TAF4: variants seen among roughly 807,000 people sequenced by gnomAD.
TAF4 encodes TATA-box binding protein associated factor 4, also known as transcription initiation factor TFIID subunit 4.
In TAF4, 9 loss-of-function variants were observed where a neutral mutation model predicts 90.3. That is an observed-to-expected ratio of 0.10 (90% CI 0.06 to 0.17). The LOEUF is 0.17. Ranked by LOEUF, TAF4 falls within the 10% of genes least tolerant of loss-of-function variation. TAF4 has a pLI of 1.00. For synonymous variants in TAF4, 818 were observed against 638.9 expected (o/e 1.28, Z -4.23); for missense variants, 1,351 against 1,370.7 (o/e 0.99, Z 0.23).
chr20:62,034,852 G>A lies in TAF4; in HGVS notation c.1361-20145C>T, dbSNP rs901541081. 8.5e-5 allele frequency among the ~76,000 whole-genome samples: 10 copies of A among 117,350 alleles called. No homozygotes were observed. The South Asian group carries it at 9.0e-4, about 11-fold the overall frequency. The allele number at this position is 117,350 out of a possible 152,430, so 77.0% of individuals were successfully genotyped here. Reference sequence around the variant, plus strand: ...CTTTTTTTTTTTGAGATGGAGTCTCGCTCTGTCACCCAGGCTGGAGTACAG... The same window carrying A: ...CTTTTTTTTTTTGAGATGGAGTCTCACTCTGTCACCCAGGCTGGAGTACAG... On this transcript the variant is annotated intron_variant, in intron 1 of 14. Transcript: ENST00000252996.
intron 14 of TAF4, among the ~76,000 whole-genome samples, chr20:61,991,445 AAGAG>A (rs1262359216): frequency 8.6e-5 from 13 of 151,156 alleles, no homozygotes; most frequent in East Asian, 5.8e-4. Context: ...ATTAAAAAAA[AAGAG>A]AGAGAGAAAT....
intron 1 of TAF4, among the ~76,000 whole-genome samples, chr20:62,027,666 T>C (rs1026651131): frequency 2.0e-5 from 3 of 152,150 alleles, no homozygotes; most frequent in African/African-American, 7.2e-5. Flanking sequence ...CAGGATAAAA[T>C]AACCTTGGCA....
At chr20:61,989,830 C>T (rs1255333237) in intron 14 of TAF4, among the ~76,000 whole-genome samples, 1 of 152,188 alleles carries the variant, frequency 6.6e-6, no homozygotes, top group Admixed American at 6.5e-5. Flanking sequence ...CGAGGAGGGG[C>T]GAAGCTCTGC....
chr20:62,057,142 G>A (rs1306230658), intron 1 of TAF4, among the ~76,000 whole-genome samples: 1 of 152,118 alleles, frequency 6.6e-6, no homozygotes, highest in Non-Finnish European at 1.5e-5. Flanking sequence ...TGTGTCCCCC[G>A]ACCCCATGGA....
At chr20:62,062,529 C>T (rs192010208) in intron 1 of TAF4, among the ~76,000 whole-genome samples, 53 of 152,264 alleles carry the variant, frequency 3.5e-4, no homozygotes, top group African/African-American at 1.2e-3. Context: ...TAGCATTCGG[C>T]TCCTTGAAAG....
In TAF4 at chr20:62,007,530, G is replaced by A. The variant is rs373577964; in HGVS notation, c.1974+17C>T. The A allele has an allele frequency of 1.5e-4, 244 of 1,610,786 alleles. No individual in the cohort carries two copies. Among genetic ancestry groups the A allele is most frequent in the Non-Finnish European group, 1.8e-4 (207 of 1,177,412 alleles). ...CCTGGCCCTACTGCTCGCAGGCACCGGGGCCTTTGAAATTACCTTCAGGAA... is the reference window on the plus strand; with the variant it reads ...CCTGGCCCTACTGCTCGCAGGCACCAGGGCCTTTGAAATTACCTTCAGGAA... On this transcript the variant is annotated intron_variant, in intron 6 of 14. Transcript: ENST00000252996.
chr20:61,977,714 T>G (rs1431163095), intron 14 of TAF4, among the ~76,000 whole-genome samples: 7 of 152,164 alleles, frequency 4.6e-5, no homozygotes, highest in Admixed American at 1.3e-4. Flanking sequence ...TACTGAAGCC[T>G]CCGCACTCCA....
chr20:62,053,733 T>G (rs2056044389), intron 1 of TAF4, among the ~76,000 whole-genome samples: 1 of 152,224 alleles, frequency 6.6e-6, no homozygotes, highest in South Asian at 2.1e-4. Context: ...GCCTGCTGGC[T>G]GTCCACCCGT....
chr20:61,995,664 C>T (rs1201816648), intron 14 of TAF4, among the ~76,000 whole-genome samples: 1 of 70,768 alleles, frequency 1.4e-5, no homozygotes, highest in Non-Finnish European at 2.8e-5. Flanking sequence ...GAGATCGAGA[C>T]CATCCTGGCT....
At chr20:62,034,797 T>C (rs950129773) in intron 1 of TAF4, among the ~76,000 whole-genome samples, 1 of 151,940 alleles carries the variant, frequency 6.6e-6, no homozygotes, top group African/African-American at 2.4e-5. Flanking sequence ...TATACCATAT[T>C]CATGGATATA....
At chr20:62,046,604 T>C (rs1362226070) in intron 1 of TAF4, among the ~76,000 whole-genome samples, 3 of 152,248 alleles carry the variant, frequency 2.0e-5, no homozygotes, top group Non-Finnish European at 4.4e-5. Context: ...CATGGCAGGA[T>C]GGACACTTCG....
chr20:61,992,684 G>A (rs867374160), intron 14 of TAF4, among the ~76,000 whole-genome samples: 7 of 152,136 alleles, frequency 4.6e-5, no homozygotes, highest in Non-Finnish European at 8.8e-5. Flanking sequence ...TAGTCCCAGC[G>A]AGTGGTCTTC....
At chr20:61,983,808 A>C (rs1376112996) in intron 14 of TAF4, among the ~76,000 whole-genome samples, 2 of 152,206 alleles carry the variant, frequency 1.3e-5, no homozygotes, top group East Asian at 3.8e-4. Context: ...CTGAGACCAA[A>C]CCATATGCTA....
chr20:61,998,483 G>A (rs1410534730), intron 12 of TAF4, among the ~76,000 whole-genome samples: 1 of 152,198 alleles, frequency 6.6e-6, no homozygotes, highest in African/African-American at 2.4e-5. Flanking sequence ...ATGGCAGGCA[G>A]AATGGGCCTC....
At chr20:61,995,932 A>C (rs1946764622) in intron 14 of TAF4, among the ~76,000 whole-genome samples, 1 of 152,048 alleles carries the variant, frequency 6.6e-6, no homozygotes, top group Non-Finnish European at 1.5e-5. Context: ...TCCAAATTTG[A>C]TGAAAGACAC....
At chr20:61,981,259 G>A (rs989740397) in intron 14 of TAF4, 3 of 152,140 alleles carry the variant, frequency 2.0e-5, no homozygotes, top group African/African-American at 7.2e-5. Flanking sequence ...CAGAGCCACG[G>A]GAAAGTCAGA....
intron 14 of TAF4, among the ~76,000 whole-genome samples, chr20:61,982,986 G>A (rs1320961275): frequency 6.6e-6 from 1 of 152,184 alleles, no homozygotes; most frequent in Non-Finnish European, 1.5e-5. Context: ...GGAATGGGAG[G>A]AAGAGCCTCC....
intron 14 of TAF4, among the ~76,000 whole-genome samples, chr20:61,994,619 T>A (rs1031564881): frequency 2.0e-5 from 3 of 152,178 alleles, no homozygotes; most frequent in Admixed American, 6.5e-5. Context: ...AGGTCACTGC[T>A]AGCATGTGGG....
rs180699858 is a variant in TAF4, at chr20:62,021,047, G to C, written c.1361-6340C>G. ...AAAACACAGATCCCAGCCACAGTAC[G>C]GGGAAGGAGAGCTCAGCAGCCCTGA... is the stretch of plus-strand genomic sequence containing the variant. On this transcript the variant is annotated intron_variant, in intron 1 of 14. Coordinates refer to ENST00000252996, the MANE Select transcript of TAF4 (RefSeq NM_003185.4). Among the ~76,000 whole-genome samples, 9 of 152,122 alleles carry C rather than the reference G, an allele frequency of 5.9e-5. No homozygotes were observed. In the South Asian group the frequency reaches 1.9e-3, roughly 31 times the overall value.
Sources: gnomAD v4.1 joint callset for allele counts (sites outside exome capture counted in the v4.1 genomes callset) on GRCh38, gnomAD v4.1.1 for gene constraint, MANE v1.5 for transcripts, NCBI Gene and HGNC (gene_info 2026-07-23, HGNC 2026-07-21) for gene names.